Variants in ADCYAP1R1 observed in about 807,000 individuals in gnomAD.
ADCYAP1R1 encodes the protein pituitary adenylate cyclase-activating polypeptide type I receptor.
ADCYAP1R1 carries 44 observed loss-of-function variants against 67.6 expected under a neutral mutation model. That is an observed-to-expected ratio of 0.65 (90% CI 0.51 to 0.84). The LOEUF (loss-of-function observed/expected upper bound fraction) is 0.84, where lower values mean the gene tolerates loss of function less well. ADCYAP1R1 is among the 40% of genes least tolerant of loss of function. ADCYAP1R1 has a pLI of 0.00. For missense variants in ADCYAP1R1, 477 were observed against 587.9 expected, an observed-to-expected ratio of 0.81 and a Z score of 1.95; for synonymous variants, 222 against 219.6, an observed-to-expected ratio of 1.01 and a Z score of -0.10.
At chr7:31,089,475 G>C (rs1795878143) in intron 12 of ADCYAP1R1, among the ~76,000 whole-genome samples, 1 of 147,092 alleles carries the variant, frequency 6.8e-6, no homozygotes, top group African/African-American at 2.5e-5. Context: ...TATCAAATGT[G>C]TTTTGGAGGC....
rs1796483947 is a variant in ADCYAP1R1, at chr7:31,102,617, G to C, written c.1047-620G>C. On this transcript the variant is annotated intron_variant, in intron 13 of 15. Transcript: ENST00000304166. This position sits in a 1 kb window ranked among gnomAD's most constrained non-coding sequence, Gnocchi z 4.3. Reference sequence around the variant, plus strand: ...CTTCCACCTTTGACTCAGTTTCCCAGCAGGAGGTTCCTCCTGCCCAGTTGG... The same window carrying C: ...CTTCCACCTTTGACTCAGTTTCCCACCAGGAGGTTCCTCCTGCCCAGTTGG... Among the ~76,000 whole-genome samples, 1 of 152,146 alleles carries C rather than the reference G, an allele frequency of 6.6e-6. No homozygotes were observed. Among genetic ancestry groups the C allele is most frequent in the Admixed American group, 6.5e-5 (1 of 15,286 alleles).
chr7:31,078,111 C>A lies in ADCYAP1R1; in HGVS notation c.265+13C>A. 1.2e-6 allele frequency: 2 copies of A among 1,600,924 alleles called. No homozygotes were observed. The highest frequency in any genetic ancestry group is 1.7e-6 in the Non-Finnish European group (2 of 1,173,440). On this transcript the variant is annotated intron_variant, in intron 4 of 15. Transcript: ENST00000304166. Reference sequence around the variant, plus strand: ...AACCCAGACCAAGGTGGGTTTAGCCCAGTCTCTTTAGGCCACGCTGGCCTA... The same window carrying A: ...AACCCAGACCAAGGTGGGTTTAGCCAAGTCTCTTTAGGCCACGCTGGCCTA...
At chr7:31,105,337 C>A (rs1484447455) in intron 15 of ADCYAP1R1, among the ~76,000 whole-genome samples, 6 of 152,324 alleles carry the variant, frequency 3.9e-5, no homozygotes, top group African/African-American at 1.4e-4. Context: ...AGCTGCCTGG[C>A]ACTCAGGGTT....
chr7:31,074,287 G>A (rs919855270), intron 3 of ADCYAP1R1, among the ~76,000 whole-genome samples: 14 of 152,114 alleles, frequency 9.2e-5, no homozygotes, highest in Non-Finnish European at 1.8e-4. Context: ...GAGACCTGCC[G>A]TTTCCCCTCA....
intron 12 of ADCYAP1R1, 79 bp from the exon 13 acceptor site, chr7:31,092,565 G>A: frequency 9.1e-7 from 1 of 1,092,920 alleles, no homozygotes; most frequent in Non-Finnish European, 1.4e-6. Flanking sequence ...TGACTAGGTG[G>A]GGGAGGGTCC....
chr7:31,079,059 GT>G (rs1238414759), intron 4 of ADCYAP1R1, among the ~76,000 whole-genome samples: 1 of 152,232 alleles, frequency 6.6e-6, no homozygotes, highest in Admixed American at 6.5e-5. Context: ...GGGATGTAGG[GT>G]GAGGGCAGGG....
chr7:31,062,403 G>C (rs577994876), intron 1 of ADCYAP1R1, among the ~76,000 whole-genome samples: 11 of 152,304 alleles, frequency 7.2e-5, no homozygotes, highest in African/African-American at 2.6e-4. Flanking sequence ...ACTTCATCCC[G>C]AAGATGAAGT....
chr7:31,090,088 T>A (rs1421795773), intron 12 of ADCYAP1R1, among the ~76,000 whole-genome samples: 1 of 152,190 alleles, frequency 6.6e-6, no homozygotes, highest in Non-Finnish European at 1.5e-5. Context: ...AATTACATCT[T>A]TGTTAATGTT....
intron 6 of ADCYAP1R1, among the ~76,000 whole-genome samples, chr7:31,082,225 G>A (rs1795546501): frequency 6.6e-6 from 1 of 152,162 alleles, no homozygotes; most frequent in Non-Finnish European, 1.5e-5. Context: ...GCACCCCTTC[G>A]GGAAACGCTG....
intron 3 of ADCYAP1R1, among the ~76,000 whole-genome samples, chr7:31,076,931 A>G (rs1035563161): frequency 1.3e-5 from 2 of 152,090 alleles, no homozygotes; most frequent in African/African-American, 2.4e-5. Context: ...TCTCATTCCT[A>G]GGGATCCAGC....
intron 13 of ADCYAP1R1, among the ~76,000 whole-genome samples, chr7:31,097,399 A>G (rs1320193388): frequency 6.6e-6 from 1 of 151,906 alleles, no homozygotes; most frequent in African/African-American, 2.4e-5. Context: ...CCTTTCTCCC[A>G]CCGTGTCTCT....
At chr7:31,100,127 C>T in intron 13 of ADCYAP1R1, 1 of 1,550,526 alleles carries the variant, frequency 6.4e-7, no homozygotes, top group East Asian at 2.4e-5. Flanking sequence ...TCACACCCAG[C>T]AGCTGCGTGC....
At chr7:31,063,112 TG>T in intron 1 of ADCYAP1R1, 81 bp from the exon 2 acceptor site, 1 of 781,866 alleles carries the variant, frequency 1.3e-6, no homozygotes, top group Non-Finnish European at 2.1e-6. Flanking sequence ...TGCAGGGAGC[TG>T]GGGGAATAAG....
In ADCYAP1R1 at chr7:31,086,875, G is replaced by T; in HGVS notation, c.824-68G>T. The T allele has an allele frequency of 1.3e-6, 2 of 1,531,878 alleles. No individual in the cohort carries two copies. The highest frequency in any genetic ancestry group is 1.8e-6 in the Non-Finnish European group (2 of 1,105,422). 94.9% of individuals were successfully genotyped at this position (1,531,878 alleles called of 1,614,324 possible). Reference sequence around the variant, plus strand: ...GGAGCAATAGCCTCTCGGAGCCCCAGGTCTACGGTGGACATTGGACATGTT... The same window carrying T: ...GGAGCAATAGCCTCTCGGAGCCCCATGTCTACGGTGGACATTGGACATGTT... On this transcript the variant is annotated intron_variant, in intron 10 of 15. Transcript: ENST00000304166. The surrounding 1 kb of genome is among the most constrained non-coding windows in gnomAD (Gnocchi z 5.0).
chr7:31,078,435 G>A (rs935948356), intron 4 of ADCYAP1R1, among the ~76,000 whole-genome samples: 3 of 152,216 alleles, frequency 2.0e-5, no homozygotes, highest in Non-Finnish European at 2.9e-5. Context: ...AATGTGAAGC[G>A]ATGCTGTGGA....
At chr7:31,076,263 C>G (rs544063531) in intron 3 of ADCYAP1R1, among the ~76,000 whole-genome samples, 1 of 152,266 alleles carries the variant, frequency 6.6e-6, no homozygotes, top group Admixed American at 6.5e-5. Flanking sequence ...TGAAATTGTT[C>G]CTTGGATTTG....
At chr7:31,070,991 G>T (rs1015605967) in intron 3 of ADCYAP1R1, among the ~76,000 whole-genome samples, 1 of 152,188 alleles carries the variant, frequency 6.6e-6, no homozygotes, top group Non-Finnish European at 1.5e-5. Flanking sequence ...AGAAACATTG[G>T]CCATAAAGTA....
At chr7:31,053,294 T>A (rs1361595486) in intron 1 of ADCYAP1R1, among the ~76,000 whole-genome samples, 15 of 152,024 alleles carry the variant, frequency 9.9e-5, no homozygotes. Context: ...GGGGCTGGGG[T>A]TGGGGATGCC....
intron 1 of ADCYAP1R1, among the ~76,000 whole-genome samples, chr7:31,055,325 G>T (rs1437118309): frequency 1.5e-5 from 2 of 129,664 alleles, no homozygotes; most frequent in Non-Finnish European, 3.2e-5. Flanking sequence ...TTGAATGGAG[G>T]AAAGTGTGTG....
Sources: gnomAD v4.1 joint callset for allele counts (sites outside exome capture counted in the v4.1 genomes callset) on GRCh38, gnomAD v4.1.1 for gene constraint, Gnocchi (gnomAD v3.1) non-coding constraint, MANE v1.5 for transcripts, NCBI Gene and HGNC (gene_info 2026-07-23, HGNC 2026-07-21) for gene names.